The following ADAMTS19 variants were observed in gnomAD, a reference collection of about 807,000 sequenced individuals.
ADAMTS19 encodes ADAM metallopeptidase with thrombospondin type 1 motif 19, also known as A disintegrin and metalloproteinase with thrombospondin motifs 19.
Under a neutral mutation model 153.3 loss-of-function variants are expected in ADAMTS19, and 93 were observed. The ratio of observed to expected loss-of-function variants is 0.61; its 90% CI spans 0.51 to 0.72. ADAMTS19 has a LOEUF of 0.72. Ranked by LOEUF, ADAMTS19 falls within the 30% of genes least tolerant of loss-of-function variation. ADAMTS19 has a pLI of 0.00. For synonymous variants in ADAMTS19, 600 were observed against 556.6 expected, an observed-to-expected ratio of 1.08 and a Z score of -1.10; for missense variants, 1,482 against 1,552.1, an observed-to-expected ratio of 0.95 and a Z score of 0.76.
intron 15 of ADAMTS19, among the ~76,000 whole-genome samples, chr5:129,665,276 T>G: frequency 6.6e-6 from 1 of 151,552 alleles, no homozygotes; most frequent in African/African-American, 2.4e-5. Context: ...TTACATAAAA[T>G]AAAAGTGCCT....
At chr5:129,658,155 G>T (rs1302552750) in intron 14 of ADAMTS19, among the ~76,000 whole-genome samples, 2 of 151,870 alleles carry the variant, frequency 1.3e-5, no homozygotes, top group African/African-American at 4.8e-5. Flanking sequence ...GCATGGTGAC[G>T]CATGCCTATA....
At chr5:129,658,347 A>AGAGAGAG (rs1554103336) in intron 14 of ADAMTS19, among the ~76,000 whole-genome samples, 4 of 115,992 alleles carry the variant, frequency 3.4e-5, no homozygotes, top group Non-Finnish European at 7.4e-5. Context: ...GAAAGAAAGA[A>AGAGAGAG]AGAAAGAAAG....
intron 7 of ADAMTS19, among the ~76,000 whole-genome samples, chr5:129,558,488 T>G (rs1753391127): frequency 6.6e-6 from 1 of 152,120 alleles, no homozygotes. Context: ...ATAGACTATA[T>G]TACAATTCAT....
At chr5:129,717,978 C>A (rs191138055) in intron 21 of ADAMTS19, among the ~76,000 whole-genome samples, 6 of 152,252 alleles carry the variant, frequency 3.9e-5, no homozygotes, top group Admixed American at 1.3e-4. Flanking sequence ...AAAGTTCTCT[C>A]TGGTGGGAAG....
At chr5:129,501,947 GAAT>G (rs1301491245) in intron 2 of ADAMTS19, among the ~76,000 whole-genome samples, 2 of 152,078 alleles carry the variant, frequency 1.3e-5, no homozygotes, top group Non-Finnish European at 2.9e-5. Flanking sequence ...AGTTTGGAAA[GAAT>G]AATGATATGA....
At chr5:129,686,447 T>C (rs78617993) in intron 18 of ADAMTS19, among the ~76,000 whole-genome samples, 3,963 of 152,038 alleles carry the variant, frequency 0.026, 150 homozygotes, top group African/African-American at 0.08. Context: ...ACTAAAAGGC[T>C]AGAAATATAG....
intron 2 of ADAMTS19, among the ~76,000 whole-genome samples, chr5:129,496,018 T>C (rs1430873393): frequency 6.6e-6 from 1 of 152,154 alleles, no homozygotes; most frequent in East Asian, 1.9e-4. Flanking sequence ...TAAGTTCTCC[T>C]TTCATAGCTA....
chr5:129,493,254 T>C (rs1414911809), intron 2 of ADAMTS19, among the ~76,000 whole-genome samples: 1 of 152,180 alleles, frequency 6.6e-6, no homozygotes, highest in Non-Finnish European at 1.5e-5. Flanking sequence ...TTTTAATTGC[T>C]ATTTGAAACA....
At chr5:129,714,253 A>G (rs1049221142) in intron 21 of ADAMTS19, among the ~76,000 whole-genome samples, 1 of 150,824 alleles carries the variant, frequency 6.6e-6, no homozygotes, top group Non-Finnish European at 1.5e-5. Flanking sequence ...CCCCGTCTCT[A>G]CTAAAAATAC....
chr5:129,601,132 A>C (rs1750630674), intron 8 of ADAMTS19, among the ~76,000 whole-genome samples: 1 of 152,074 alleles, frequency 6.6e-6, no homozygotes, highest in African/African-American at 2.4e-5. Context: ...CGGTCTCCCA[A>C]AGTGCTTGGG....
intron 8 of ADAMTS19, among the ~76,000 whole-genome samples, chr5:129,619,058 A>C (rs1751659911): frequency 6.6e-6 from 1 of 152,086 alleles, no homozygotes; most frequent in South Asian, 2.1e-4. Flanking sequence ...GAGATAGTAC[A>C]AATGGGTGAG....
At chr5:129,694,884 A>G in intron 19 of ADAMTS19, 29 bp downstream of exon 19, 1 of 1,498,130 alleles carries the variant, frequency 6.7e-7, no homozygotes, top group Non-Finnish European at 9.0e-7. Flanking sequence ...CCCTTAAAGC[A>G]TTATTTGTCC....
intron 18 of ADAMTS19, among the ~76,000 whole-genome samples, chr5:129,684,804 G>A (rs1396072615): frequency 6.6e-6 from 1 of 151,994 alleles, no homozygotes; most frequent in African/African-American, 2.4e-5. Context: ...TGGCTAACAC[G>A]GCGAAACCCC....
chr5:129,605,914 A>G (rs914181781), intron 8 of ADAMTS19, among the ~76,000 whole-genome samples: 2 of 152,168 alleles, frequency 1.3e-5, no homozygotes, highest in Non-Finnish European at 2.9e-5. Flanking sequence ...ATTTCATTTC[A>G]TTATAAAAAT....
In ADAMTS19 at chr5:129,461,097, C is replaced by T; in HGVS notation, c.92-5C>T. The T allele has an allele frequency of 1.4e-6, 2 of 1,391,736 alleles. No homozygotes were observed. Among genetic ancestry groups the T allele is most frequent in the Non-Finnish European group, 1.9e-6 (2 of 1,074,166 alleles). The allele number at this position is 1,391,736 out of a possible 1,614,324, so 86.2% of individuals were successfully genotyped here. A position where few individuals can be genotyped will look rare whatever the true frequency, so the allele number is the denominator to read the frequency against. On this transcript the variant is annotated splice_polypyrimidine_tract_variant and splice_region_variant and intron_variant, in intron 1 of 22. Coordinates refer to ENST00000274487, the MANE Select transcript of ADAMTS19 (RefSeq NM_133638.6). The surrounding 1 kb of genome is among the most constrained non-coding windows in gnomAD (Gnocchi z 4.6). Reference sequence around the variant, plus strand: ...GCCCCGCACTTCTGTCTGCCCCGCCCGCAGAGCTGCAGTTCGCCCCCGACC... The same window carrying T: ...GCCCCGCACTTCTGTCTGCCCCGCCTGCAGAGCTGCAGTTCGCCCCCGACC...
At chr5:129,730,075 TTTAG>T (rs1278457001) in intron 21 of ADAMTS19, among the ~76,000 whole-genome samples, 1 of 152,100 alleles carries the variant, frequency 6.6e-6, no homozygotes, top group Non-Finnish European at 1.5e-5. Flanking sequence ...CCTTAAAAGT[TTTAG>T]TTAAACTGTA....
intron 3 of ADAMTS19, among the ~76,000 whole-genome samples, chr5:129,518,931 A>G (rs547659465): frequency 8.0e-4 from 122 of 152,150 alleles, no homozygotes; most frequent in Non-Finnish European, 1.4e-3. Flanking sequence ...GCCTGTCTTC[A>G]AGATCACTAA....
intron 22 of ADAMTS19, among the ~76,000 whole-genome samples, chr5:129,735,945 T>C (rs746529197): frequency 9.2e-5 from 14 of 152,064 alleles, no homozygotes; most frequent in Non-Finnish European, 2.9e-5. Flanking sequence ...TACAAAATAA[T>C]ATTACCAAAA....
chr5:129,482,739 G>A (rs1277532471), intron 2 of ADAMTS19, among the ~76,000 whole-genome samples: 1 of 152,048 alleles, frequency 6.6e-6, no homozygotes, highest in African/African-American at 2.4e-5. Flanking sequence ...ATCACTCCAT[G>A]ACCATCCCTG....
Sources: allele counts gnomAD v4.1 joint callset (sites outside exome capture counted in the v4.1 genomes callset), GRCh38; gene constraint gnomAD v4.1.1; non-coding constraint Gnocchi (gnomAD v3.1); transcripts MANE v1.5; gene names NCBI Gene and HGNC (gene_info 2026-07-23, HGNC 2026-07-21).